The following COG6 variants were observed in gnomAD, a reference collection of about 807,000 sequenced individuals.
COG6 encodes component of oligomeric golgi complex 6, also known as conserved oligomeric Golgi complex subunit 6.
In COG6, 74 loss-of-function variants were observed where a neutral mutation model predicts 88.8. The ratio of observed to expected loss-of-function variants is 0.83; its 90% CI spans 0.69 to 1.01. COG6 has a LOEUF of 1.01. Ranked by LOEUF, COG6 falls within the 50% of genes least tolerant of loss-of-function variation. The pLI, the probability that COG6 is intolerant of heterozygous loss-of-function variation, is 0.00. For missense variants in COG6, 800 were observed against 797.9 expected, an observed-to-expected ratio of 1.00 and a Z score of -0.03; for synonymous variants, 286 against 278.7, an observed-to-expected ratio of 1.03 and a Z score of -0.26.
At chr13:39,674,967 C>G (rs961544256) in intron 4 of COG6, among the ~76,000 whole-genome samples, 20 of 152,160 alleles carry the variant, frequency 1.3e-4, no homozygotes, top group African/African-American at 4.6e-4. Flanking sequence ...GTGGGGATTC[C>G]TATACATACT....
Position 39,751,431 on chromosome 13 carries a change from A to G in COG6, c.*338A>G, listed in dbSNP as rs1474388601. On this transcript the variant is annotated 3_prime_UTR_variant, in exon 19 of 19. Coordinates refer to ENST00000455146, the MANE Select transcript of COG6 (RefSeq NM_020751.3). ...TTTACAAGACTAGTTCTAAATTAAC[A>G]GCTTATAAAAAATTTGTCTAAATTT... The G allele has an allele frequency of 7.8e-6, 10 of 1,274,578 alleles. No homozygotes were observed. The highest frequency in any genetic ancestry group is 1.0e-5 in the Non-Finnish European group (10 of 976,110). 79.0% of individuals were successfully genotyped at this position (1,274,578 alleles called of 1,614,324 possible). A position where few individuals can be genotyped will look rare whatever the true frequency, so the allele number is the denominator to read the frequency against.
At chr13:39,705,337 A>G (rs1052144353) in intron 13 of COG6, among the ~76,000 whole-genome samples, 3 of 152,174 alleles carry the variant, frequency 2.0e-5, no homozygotes, top group Non-Finnish European at 4.4e-5. Flanking sequence ...ATTCAAGGAC[A>G]TAATTTTATT....
intron 18 of COG6, among the ~76,000 whole-genome samples, chr13:39,741,766 A>G (rs979570825): frequency 1.3e-5 from 2 of 152,018 alleles, no homozygotes; most frequent in Admixed American, 6.6e-5. Context: ...CCACCAAGAT[A>G]CTCCTCGAGA....
intron 18 of COG6, among the ~76,000 whole-genome samples, chr13:39,770,367 G>A (rs11147769): frequency 0.42 from 63,367 of 152,024 alleles, 13,608 homozygotes; most frequent in Admixed American, 0.57. Context: ...TTCACAAAGC[G>A]CATTCATGTA....
chr13:39,722,434 C>G (rs926019875), intron 15 of COG6, among the ~76,000 whole-genome samples: 2 of 151,822 alleles, frequency 1.3e-5, no homozygotes, highest in Admixed American at 1.3e-4. Flanking sequence ...TAAATCAGTT[C>G]TAAGTTTTTT....
intron 3 of COG6, among the ~76,000 whole-genome samples, chr13:39,661,437 C>T (rs1174962402): frequency 6.6e-6 from 1 of 152,104 alleles, no homozygotes; most frequent in African/African-American, 2.4e-5. Flanking sequence ...TGTCTACTGC[C>T]TTCACATTTT....
chr13:39,786,832 C>G (rs1211198321), intron 18 of COG6, among the ~76,000 whole-genome samples: 1 of 152,054 alleles, frequency 6.6e-6, no homozygotes, highest in Non-Finnish European at 1.5e-5. Flanking sequence ...TTCGTGTAAG[C>G]CCCCTCAGAT....
At chr13:39,741,360 A>C (rs1208484886) in intron 18 of COG6, among the ~76,000 whole-genome samples, 1 of 152,186 alleles carries the variant, frequency 6.6e-6, no homozygotes, top group Non-Finnish European at 1.5e-5. Flanking sequence ...AAAACCTTGA[A>C]AAAAGATTAG....
chr13:39,775,047 A>G (rs541588268), intron 18 of COG6, among the ~76,000 whole-genome samples: 2 of 152,298 alleles, frequency 1.3e-5, no homozygotes, highest in African/African-American at 4.8e-5. Context: ...GGGAATGGGC[A>G]TTTCCATTGC....
chr13:39,756,001 A>G (rs1880823191), downstream of COG6, among the ~76,000 whole-genome samples: 1 of 152,324 alleles, frequency 6.6e-6, no homozygotes. Flanking sequence ...CTGATTTCCA[A>G]CAGATAGCCC....
At chr13:39,781,636 A>G (rs1431564275) in intron 18 of COG6, among the ~76,000 whole-genome samples, 1 of 152,030 alleles carries the variant, frequency 6.6e-6, no homozygotes, top group Non-Finnish European at 1.5e-5. Flanking sequence ...TCTAAGCCCC[A>G]TCCTTCTCCC....
chr13:39,764,521 C>T (rs1383601080), intron 18 of COG6, among the ~76,000 whole-genome samples: 1 of 151,700 alleles, frequency 6.6e-6, no homozygotes, highest in Non-Finnish European at 1.5e-5. Flanking sequence ...ATCTGTGTTT[C>T]CATCTAAGCA....
intron 4 of COG6, among the ~76,000 whole-genome samples, chr13:39,668,227 T>G (rs143756574): frequency 1.7e-3 from 264 of 152,302 alleles, no homozygotes; most frequent in African/African-American, 6.1e-3. Context: ...CTGTGTTTTT[T>G]TGATTAATGA....
intron 2 of COG6, among the ~76,000 whole-genome samples, chr13:39,659,935 A>T (rs1874791082): frequency 6.6e-6 from 1 of 152,204 alleles, no homozygotes; most frequent in Non-Finnish European, 1.5e-5. Context: ...ACTTCAATGT[A>T]TTAATAATGA....
chr13:39,683,169 G>A (rs948313211), intron 8 of COG6, among the ~76,000 whole-genome samples: 4 of 152,146 alleles, frequency 2.6e-5, no homozygotes, highest in South Asian at 2.1e-4. Flanking sequence ...GAAACACAAC[G>A]TCAGTAAAGC....
At chr13:39,664,460 C>T (rs1365902188) in intron 3 of COG6, among the ~76,000 whole-genome samples, 1 of 152,066 alleles carries the variant, frequency 6.6e-6, no homozygotes, top group Non-Finnish European at 1.5e-5. Flanking sequence ...TGTTTAAAGC[C>T]ACTTCATGAA....
chr13:39,743,965 A>G (rs1224646851), intron 18 of COG6, among the ~76,000 whole-genome samples: 1 of 152,140 alleles, frequency 6.6e-6, no homozygotes, highest in Admixed American at 6.5e-5. Context: ...AAATCAATAA[A>G]CATAACCTAT....
rs560051562 is a variant in COG6 at position 39,731,846 on chromosome 13, C to A, written c.1826+4298C>A. Among the ~76,000 whole-genome samples the A allele has an allele frequency of 2.6e-5, 4 of 151,718 alleles. No homozygotes were observed. The South Asian group carries it at 6.3e-4, about 24-fold the overall frequency. On this transcript the variant is annotated intron_variant, in intron 18 of 18. Coordinates refer to ENST00000455146, the MANE Select transcript of COG6 (RefSeq NM_020751.3). ...GGGGTAAAATTAAAAAAAAATACTA[C>A]CAGGAAGAGAACTACTGGACAGCTG...
rs192524298 is a variant in COG6 at position 39,682,389 on chromosome 13, A to G, written c.788+125A>G. 8.9e-4 allele frequency: 585 copies of G among 656,560 alleles called. 1 individual carries two copies. The African/African-American group carries it at 9.4e-3, about 11-fold the overall frequency. The allele number at this position is 656,560 out of a possible 1,614,324, so 40.7% of individuals were successfully genotyped here. A position where few individuals can be genotyped will look rare whatever the true frequency, so the allele number is the denominator to read the frequency against. ...AATATTTATAATAATTTACAACAAT[A>G]CTGTTCACCTTAACTTGAATTTGTT... is the stretch of plus-strand genomic sequence containing the variant. On this transcript the variant is annotated intron_variant, in intron 8 of 18. Coordinates refer to ENST00000455146, the MANE Select transcript of COG6 (RefSeq NM_020751.3).
Sources: gnomAD v4.1 joint callset for allele counts (sites outside exome capture counted in the v4.1 genomes callset) on GRCh38, gnomAD v4.1.1 for gene constraint, MANE v1.5 for transcripts, NCBI Gene and HGNC (gene_info 2026-07-23, HGNC 2026-07-21) for gene names.